The following GPM6A variants were observed in gnomAD, a reference collection of about 807,000 sequenced individuals.
GPM6A encodes the protein neuronal membrane glycoprotein M6-a.
A neutral mutation model predicts 32.1 loss-of-function variants in GPM6A; 7 were observed. The ratio of observed to expected loss-of-function variants is 0.22; its 90% CI spans 0.12 to 0.41. The LOEUF (loss-of-function observed/expected upper bound fraction) is 0.41, where lower values mean the gene tolerates loss of function less well. Ranked by LOEUF, GPM6A falls within the 10% of genes least tolerant of loss-of-function variation. The pLI, the probability that GPM6A is intolerant of heterozygous loss-of-function variation, is 1.00. For synonymous variants in GPM6A, 130 were observed against 123.4 expected, an observed-to-expected ratio of 1.05 and a Z score of -0.35; for missense variants, 235 against 347.2, an observed-to-expected ratio of 0.68 and a Z score of 2.57.
chr4:175,813,816 T>G (rs1735018430), upstream of GPM6A, among the ~76,000 whole-genome samples: 1 of 152,208 alleles, frequency 6.6e-6, no homozygotes. Flanking sequence ...TAAATGAATG[T>G]TTAGTCCTCT....
chr4:175,949,320 G>A (rs1281689524), intron 1 of GPM6A, among the ~76,000 whole-genome samples: 2 of 151,600 alleles, frequency 1.3e-5, no homozygotes, highest in Non-Finnish European at 2.9e-5. Flanking sequence ...GTTGTTTTTG[G>A]TGGTGGTGGT....
At chr4:175,680,294 G>A (rs753464214) in intron 2 of GPM6A, among the ~76,000 whole-genome samples, 2 of 152,160 alleles carry the variant, frequency 1.3e-5, no homozygotes, top group Non-Finnish European at 2.9e-5. Context: ...ATATTTGTAC[G>A]TCTTTCTTCC....
chr4:175,884,639 C>G (rs1410666191), intron 1 of GPM6A, among the ~76,000 whole-genome samples: 1 of 152,062 alleles, frequency 6.6e-6, no homozygotes, highest in Non-Finnish European at 1.5e-5. Flanking sequence ...TCAAGCAATT[C>G]TCGTGCCTCA....
intron 2 of GPM6A, among the ~76,000 whole-genome samples, chr4:175,700,488 G>A (rs986289143): frequency 1.2e-4 from 19 of 152,230 alleles, no homozygotes; most frequent in African/African-American, 4.6e-4. Context: ...CTGCATAAAT[G>A]AGAATTGTGA....
intron 4 of GPM6A, among the ~76,000 whole-genome samples, chr4:175,648,557 G>T (rs1343473381): frequency 1.3e-5 from 2 of 152,130 alleles, no homozygotes; most frequent in African/African-American, 2.4e-5. Flanking sequence ...AAATGTAGTG[G>T]CTTAAAGCAA....
At chr4:175,926,704 C>T (rs544807350) in intron 1 of GPM6A, among the ~76,000 whole-genome samples, 16 of 152,076 alleles carry the variant, frequency 1.1e-4, no homozygotes, top group African/African-American at 3.9e-4. Flanking sequence ...AGAATATGTT[C>T]CTTTTAGCAA....
chr4:175,733,417 C>T (rs565202286), intron 1 of GPM6A, among the ~76,000 whole-genome samples: 107 of 152,244 alleles, frequency 7.0e-4, no homozygotes, highest in African/African-American at 2.5e-3. Flanking sequence ...GCAGGAGAAT[C>T]ACTTGAACCT....
At chr4:175,866,875 C>T (rs1396540008) in intron 1 of GPM6A, among the ~76,000 whole-genome samples, 1 of 152,168 alleles carries the variant, frequency 6.6e-6, no homozygotes, top group Non-Finnish European at 1.5e-5. Context: ...ATTTTGCATT[C>T]CCACCAGCAA....
chr4:175,884,115 G>C (rs1030506096), intron 1 of GPM6A, among the ~76,000 whole-genome samples: 1 of 152,064 alleles, frequency 6.6e-6, no homozygotes, highest in Non-Finnish European at 1.5e-5. Context: ...TAAAACATAC[G>C]TCACAGGGCT....
At chr4:175,710,806 T>C (rs1745485801) in intron 1 of GPM6A, among the ~76,000 whole-genome samples, 1 of 152,216 alleles carries the variant, frequency 6.6e-6, no homozygotes, top group Non-Finnish European at 1.5e-5. Flanking sequence ...TTTTTTGCTT[T>C]GTTTAATTTT....
chr4:175,735,851 C>T (rs28404065), intron 1 of GPM6A, among the ~76,000 whole-genome samples: 11,619 of 152,098 alleles, frequency 0.076, 1,026 homozygotes, highest in African/African-American at 0.22. Context: ...TGAACCACTG[C>T]CCCCTGTCTA....
chr4:175,796,940 G>A (rs1173463540), intron 1 of GPM6A, among the ~76,000 whole-genome samples: 1 of 151,880 alleles, frequency 6.6e-6, no homozygotes, highest in East Asian at 1.9e-4. Context: ...TTTCTGATAA[G>A]TCCTGAATTG....
chr4:175,930,374 C>T lies in GPM6A; in HGVS notation c.-23+71935G>A, dbSNP rs182737525. Among the ~76,000 whole-genome samples the T allele has an allele frequency of 3.2e-3, 465 of 145,354 alleles. 4 individuals are homozygous for T. The highest frequency in any genetic ancestry group is 0.011 in the African/African-American group (453 of 39,962). ...ACCAGAGCAACAACGAAAAGCATAA[C>T]ATAAGCTTAAACTTAAAAAAAAAAT... On this transcript the variant is annotated intron_variant, in intron 1 of 7. Transcript: ENST00000280187.
intron 1 of GPM6A, among the ~76,000 whole-genome samples, chr4:175,926,905 CTTAT>C (rs1172390301): frequency 6.6e-6 from 1 of 152,092 alleles, no homozygotes; most frequent in Non-Finnish European, 1.5e-5. Context: ...TATGCAGAAG[CTTAT>C]TTAGTCACTT....
chr4:175,727,862 G>T (rs551834977), intron 1 of GPM6A, among the ~76,000 whole-genome samples: 12 of 152,124 alleles, frequency 7.9e-5, no homozygotes, highest in African/African-American at 2.9e-4. Flanking sequence ...AAATCAGTTG[G>T]GCATGGTGGC....
chr4:175,999,730 G>T (rs1741416633), intron 1 of GPM6A, among the ~76,000 whole-genome samples: 2 of 151,748 alleles, frequency 1.3e-5, no homozygotes, highest in Non-Finnish European at 2.9e-5. Context: ...TGGTTTTCAT[G>T]ATACCAGGAA....
At position 175,829,648 on chromosome 4, in the gene GPM6A, AATAT is replaced by A. The variant is rs3034745; in HGVS notation, c.-22-17403_-22-17400del. Among the ~76,000 whole-genome samples, 1,076 of 144,608 alleles carry A rather than the reference AATAT, an allele frequency of 7.4e-3. 17 individuals are homozygous for A. The highest frequency in any genetic ancestry group is 0.025 in the African/African-American group (977 of 39,658). The allele number at this position is 144,608 out of a possible 152,430, so 94.9% of individuals were successfully genotyped here. On this transcript the variant is annotated intron_variant, in intron 1 of 7. Transcript: ENST00000280187. ...AACTACCAAAATAAGTCATTTATGT[AATAT>A]ATATATATATATACATATAAAACAT...
intron 1 of GPM6A, among the ~76,000 whole-genome samples, chr4:175,788,874 T>C (rs895869879): frequency 6.6e-6 from 1 of 152,160 alleles, no homozygotes; most frequent in Admixed American, 6.6e-5. Context: ...TGGTTCATAA[T>C]GTAATAAATT....
chr4:175,726,661 T>C (rs1746424543), intron 1 of GPM6A, among the ~76,000 whole-genome samples: 1 of 152,206 alleles, frequency 6.6e-6, no homozygotes, highest in Admixed American at 6.5e-5. Flanking sequence ...ATTATAATTA[T>C]AATGCAGAGA....
Sources: gnomAD v4.1 joint callset for allele counts (sites outside exome capture counted in the v4.1 genomes callset) on GRCh38, gnomAD v4.1.1 for gene constraint, MANE v1.5 for transcripts, NCBI Gene and HGNC (gene_info 2026-07-23, HGNC 2026-07-21) for gene names.